The following LRP5 variants were observed in gnomAD, a reference collection of about 807,000 sequenced individuals.
The protein encoded by LRP5 is low-density lipoprotein receptor-related protein 5.
In LRP5, 62 loss-of-function variants were observed where a neutral mutation model predicts 154.1. That is an observed-to-expected ratio of 0.40 (90% CI 0.33 to 0.50). The LOEUF is 0.50. Ranked by LOEUF, LRP5 falls within the 20% of genes least tolerant of loss-of-function variation. The probability of loss-of-function intolerance (pLI) is 0.55; values close to 1 mark genes in which losing one functional copy is unlikely to be tolerated. For missense variants in LRP5, 1,915 were observed against 2,336.7 expected (o/e 0.82, Z 3.72); for synonymous variants, 966 against 1,011.5 (o/e 0.96, Z 0.85).
intron 1 of LRP5, among the ~76,000 whole-genome samples, chr11:68,339,164 G>C (rs145052816): frequency 6.6e-6 from 1 of 151,742 alleles, no homozygotes; most frequent in Admixed American, 6.6e-5. Flanking sequence ...GTAAGACACC[G>C]CGTCGGGCCT....
At chr11:68,312,027 C>A (rs1395348016), upstream of LRP5, among the ~76,000 whole-genome samples, 1 of 152,274 alleles carries the variant, frequency 6.6e-6, no homozygotes, top group African/African-American at 2.4e-5. Flanking sequence ...TTCTCCCTGT[C>A]AGCCTAGAGG....
chr11:68,409,093 TATACACAC>T (rs1413371296), intron 9 of LRP5, among the ~76,000 whole-genome samples: 2 of 46,218 alleles, frequency 4.3e-5, no homozygotes, highest in South Asian at 9.1e-4. Flanking sequence ...TATATATATA[TATACACAC>T]ACATACACGC....
In LRP5 at chr11:68,447,068, C is replaced by T. The variant is rs1247832245; in HGVS notation, c.4586+535C>T. On this transcript the variant is annotated intron_variant, in intron 22 of 22. Transcript: ENST00000294304. The surrounding 1 kb of genome is among the most constrained non-coding windows in gnomAD (Gnocchi z 4.3). ...GCCAACGGGGCTGCTCAGCTGGACA[C>T]CAGCCCCCCGAGCTGCCCATGTTGG... The T allele has an allele frequency of 5.6e-6, 1 of 177,544 alleles. No homozygotes were observed. The highest frequency in any genetic ancestry group is 1.2e-5 in the Non-Finnish European group (1 of 82,514). 11.0% of individuals were successfully genotyped at this position (177,544 alleles called of 1,614,324 possible). A position where few individuals can be genotyped will look rare whatever the true frequency, so the allele number is the denominator to read the frequency against.
intron 5 of LRP5, among the ~76,000 whole-genome samples, chr11:68,374,444 T>C (rs2098636220): frequency 6.6e-6 from 1 of 152,232 alleles, no homozygotes; most frequent in Non-Finnish European, 1.5e-5. Context: ...CCATGGACCG[T>C]GAATTTTTAA....
chr11:68,415,506 G>C (rs1311397612), intron 12 of LRP5, among the ~76,000 whole-genome samples: 1 of 152,174 alleles, frequency 6.6e-6, no homozygotes, highest in Non-Finnish European at 1.5e-5. Flanking sequence ...AGCACTTTGG[G>C]AGGCTGAGGC....
chr11:68,327,855 T>C (rs1352734048), intron 1 of LRP5, among the ~76,000 whole-genome samples: 1 of 152,204 alleles, frequency 6.6e-6, no homozygotes, highest in Non-Finnish European at 1.5e-5. Context: ...CAGTCCACAA[T>C]GAATGCTTGG....
At chr11:68,341,904 C>G (rs1193932679) in intron 1 of LRP5, among the ~76,000 whole-genome samples, 1 of 152,116 alleles carries the variant, frequency 6.6e-6, no homozygotes, top group Non-Finnish European at 1.5e-5. Context: ...CACGTGAATA[C>G]GGAGCCATTC....
chr11:68,380,319 C>T (rs1236103251), intron 5 of LRP5, among the ~76,000 whole-genome samples: 1 of 152,180 alleles, frequency 6.6e-6, no homozygotes, highest in Non-Finnish European at 1.5e-5. Flanking sequence ...ATTTTAGTGT[C>T]CATAAATGAA....
At chr11:68,313,920 A>T (rs947506195) in intron 1 of LRP5, among the ~76,000 whole-genome samples, 3 of 152,046 alleles carry the variant, frequency 2.0e-5, no homozygotes, top group African/African-American at 4.8e-5. Flanking sequence ...CTCTGCTTGG[A>T]GGTGTGGGGG....
rs1161741706 is a variant in LRP5 at position 68,409,093 on chromosome 11, TATAC to T, written c.2092-819_2092-816del. On this transcript the variant is annotated intron_variant, in intron 9 of 22. Coordinates refer to ENST00000294304, the MANE Select transcript of LRP5 (RefSeq NM_002335.4). Reference sequence around the variant, plus strand: ...AAAAAAATATATATATATATATATATATACACACACATACACGCACACACACATA... The same window carrying T: ...AAAAAAATATATATATATATATATATACACACATACACGCACACACACATA... Among the ~76,000 whole-genome samples, 87 of 46,218 alleles carry T rather than the reference TATAC, an allele frequency of 1.9e-3. 4 individuals carry two copies. Among genetic ancestry groups the T allele is most frequent in the African/African-American group, 5.5e-3 (84 of 15,284 alleles). The allele number at this position is 46,218 out of a possible 152,430, so 30.3% of individuals were successfully genotyped here. A position where few individuals can be genotyped will look rare whatever the true frequency, so the allele number is the denominator to read the frequency against.
At chr11:68,438,908 G>A (rs1427331832) in intron 20 of LRP5, among the ~76,000 whole-genome samples, 2 of 152,238 alleles carry the variant, frequency 1.3e-5, no homozygotes, top group African/African-American at 4.8e-5. Flanking sequence ...GGCACTGTAG[G>A]TGTGGAGAAA....
chr11:68,303,257 G>A, the LRP5 span, among the ~76,000 whole-genome samples: 3,739 of 151,972 alleles, frequency 0.025, 154 homozygotes, highest in African/African-American at 0.086. Flanking sequence ...TCAGCCTCCC[G>A]ATTAGCTGGT....
intron 2 of LRP5, 95 bp downstream of exon 2, chr11:68,348,338 AAG>A: frequency 6.6e-7 from 1 of 1,526,198 alleles, no homozygotes; most frequent in Non-Finnish European, 8.9e-7. Context: ...TTTTCAGAAA[AAG>A]GGTGTGACTC....
chr11:68,383,508 G>A (rs1175232546), intron 5 of LRP5, among the ~76,000 whole-genome samples: 12 of 152,212 alleles, frequency 7.9e-5, no homozygotes, highest in Non-Finnish European at 1.2e-4. Flanking sequence ...ACAGGGACTC[G>A]GGCATCGCCA....
At chr11:68,383,065 A>G (rs1031424172) in intron 5 of LRP5, among the ~76,000 whole-genome samples, 1 of 151,966 alleles carries the variant, frequency 6.6e-6, no homozygotes, top group Non-Finnish European at 1.5e-5. Context: ...TTTAGTAGAG[A>G]GGGGGTTTTA....
At position 68,411,476 on chromosome 11, in the gene LRP5, G is replaced by A. The variant is rs778567335; in HGVS notation, c.2359G>A (p.Val787Met). ...CGAGTGGGGCGGCAAGCCGAGGATC[G>A]TGCGGGCCTTCATGGACGGGACCAA... ...WTEWGGKPRIVRAFMDGTNCM... is the reference protein window; with the variant it reads ...WTEWGGKPRIMRAFMDGTNCM... Residue 787 changes from valine to methionine, a missense_variant, in exon 11 of 23, where the codon GTG becomes ATG. This residue lies in a region of LRP5 where 773 missense variants were observed against 1,100.9 expected (regional missense o/e 0.70). Transcript: ENST00000294304. 26 of 1,613,166 alleles carry A rather than the reference G, an allele frequency of 1.6e-5. No individual in the cohort carries two copies. Among genetic ancestry groups the A allele is most frequent in the Middle Eastern group, 1.7e-4 (1 of 5,716 alleles).
At chr11:68,351,462 A>G (rs1293435394) in intron 2 of LRP5, among the ~76,000 whole-genome samples, 4 of 152,134 alleles carry the variant, frequency 2.6e-5, no homozygotes, top group Non-Finnish European at 5.9e-5. Context: ...AGGAGGGGGC[A>G]TCTGCAGTAG....
chr11:68,421,849 G>T (rs1278771059), intron 13 of LRP5, among the ~76,000 whole-genome samples: 2 of 151,680 alleles, frequency 1.3e-5, no homozygotes, highest in Admixed American at 1.3e-4. Flanking sequence ...GTGTGTGTAT[G>T]GGGGAGGCAC....
intron 2 of LRP5, among the ~76,000 whole-genome samples, chr11:68,350,722 G>C (rs1318843926): frequency 6.6e-6 from 1 of 152,248 alleles, no homozygotes; most frequent in African/African-American, 2.4e-5. Context: ...GAAGCAGAGT[G>C]CCATGTGGCC....
Sources: gnomAD v4.1 joint callset for allele counts (sites outside exome capture counted in the v4.1 genomes callset) on GRCh38, gnomAD v4.1.1 for gene constraint, gnomAD v4.1.1 regional missense constraint, Gnocchi (gnomAD v3.1) non-coding constraint, MANE v1.5 for transcripts, NCBI Gene and HGNC (gene_info 2026-07-23, HGNC 2026-07-21) for gene names.